TAFA1: variants seen among roughly 807,000 people sequenced by gnomAD.
TAFA1 encodes TAFA chemokine like family member 1, also known as chemokine-like protein TAFA-1.
In TAFA1, 4 loss-of-function variants were observed where a neutral mutation model predicts 18.5. That is an observed-to-expected ratio of 0.22 (90% confidence interval 0.11 to 0.49). The LOEUF (loss-of-function observed/expected upper bound fraction) is 0.49, where lower values mean the gene tolerates loss of function less well. TAFA1 is among the 20% of genes least tolerant of loss of function. The probability of loss-of-function intolerance (pLI) is 0.98; values close to 1 mark genes in which losing one functional copy is unlikely to be tolerated. For synonymous variants in TAFA1, 56 were observed against 55.2 expected, an observed-to-expected ratio of 1.01 and a Z score of -0.06; for missense variants, 147 against 169.0, an observed-to-expected ratio of 0.87 and a Z score of 0.72.
intron 2 of TAFA1, among the ~76,000 whole-genome samples, chr3:68,219,330 A>C (rs2066702062): frequency 6.6e-6 from 1 of 152,194 alleles, no homozygotes; most frequent in East Asian, 1.9e-4. Context: ...CTACTTTTGT[A>C]TATAGTTTAC....
chr3:68,402,820 C>G (rs1912457), intron 2 of TAFA1, among the ~76,000 whole-genome samples: 63,483 of 151,972 alleles, frequency 0.42, 13,806 homozygotes, highest in Non-Finnish European at 0.45. Flanking sequence ...ATTTGAAAGA[C>G]TGTATTTCAC....
At chr3:68,065,823 A>C (rs1489064161) in intron 2 of TAFA1, among the ~76,000 whole-genome samples, 2 of 150,140 alleles carry the variant, frequency 1.3e-5, no homozygotes, top group Non-Finnish European at 3.0e-5. Flanking sequence ...CTTTATTTTT[A>C]TTAGCTAAAA....
intron 2 of TAFA1, among the ~76,000 whole-genome samples, chr3:68,223,934 A>T (rs1449829240): frequency 6.6e-6 from 1 of 151,438 alleles, no homozygotes; most frequent in African/African-American, 2.4e-5. Context: ...CTCAACATCA[A>T]GTATATGAAT....
chr3:68,517,304 C>T (rs2072938120), intron 3 of TAFA1, among the ~76,000 whole-genome samples: 1 of 151,998 alleles, frequency 6.6e-6, no homozygotes, highest in Non-Finnish European at 1.5e-5. Flanking sequence ...ACCAGTTTTC[C>T]ACTTATAGTA....
In TAFA1 at chr3:68,287,846, T is replaced by C. The variant is rs549280247; in HGVS notation, c.119-129434T>C. ...CCTTATTTGCCTGGATTGAAGAACA[T>C]TTTTAGATCTTTCAACAGGCTTACT... On this transcript the variant is annotated intron_variant, in intron 2 of 4. Transcript: ENST00000478136. Among the ~76,000 whole-genome samples the C allele has an allele frequency of 2.0e-5, 3 of 147,748 alleles. No homozygotes were observed. In the South Asian group the frequency reaches 7.0e-4, roughly 34 times the overall value.
chr3:68,440,763 A>C (rs1292202916), intron 3 of TAFA1, among the ~76,000 whole-genome samples: 1 of 152,136 alleles, frequency 6.6e-6, no homozygotes, highest in African/African-American at 2.4e-5. Context: ...TATTCCACAC[A>C]TACTCTTCCT....
intron 2 of TAFA1, among the ~76,000 whole-genome samples, chr3:68,100,991 T>C (rs1298734373): frequency 6.6e-6 from 1 of 152,200 alleles, no homozygotes; most frequent in African/African-American, 2.4e-5. Flanking sequence ...TTGTTTTGTT[T>C]TGGTGGGAGG....
At chr3:68,113,888 GTTTTTTT>G (rs1169442128) in intron 2 of TAFA1, among the ~76,000 whole-genome samples, 2 of 57,862 alleles carry the variant, frequency 3.5e-5, no homozygotes, top group Admixed American at 2.9e-4. Context: ...TTGGGGTGTA[GTTTTTTT>G]TGTTTTTTTT....
chr3:68,006,931 T>C (rs760563204), intron 2 of TAFA1, among the ~76,000 whole-genome samples, 187 bp downstream of exon 2: 2 of 152,202 alleles, frequency 1.3e-5, no homozygotes, highest in Non-Finnish European at 2.9e-5. Context: ...GGTATTTCTA[T>C]TAATTTCTCA....
At chr3:68,239,355 A>G (rs2066969259) in intron 2 of TAFA1, among the ~76,000 whole-genome samples, 1 of 152,180 alleles carries the variant, frequency 6.6e-6, no homozygotes, top group South Asian at 2.1e-4. Flanking sequence ...TCAGAAACTT[A>G]TTTACAATTA....
At chr3:68,470,252 T>A (rs368444198) in intron 3 of TAFA1, among the ~76,000 whole-genome samples, 5 of 152,292 alleles carry the variant, frequency 3.3e-5, no homozygotes, top group African/African-American at 9.6e-5. Flanking sequence ...GAACTGTGAG[T>A]CAATTAAACC....
rs866098039 is a variant in TAFA1, at chr3:68,287,920, G to A, written c.119-129360G>A. 3.7e-5 allele frequency among the ~76,000 whole-genome samples: 4 copies of A among 108,270 alleles called. 1 individual carries two copies. Among genetic ancestry groups the A allele is most frequent in the Admixed American group, 1.2e-4 (1 of 8,608 alleles). 71.0% of individuals were successfully genotyped at this position (108,270 alleles called of 152,430 possible). ...TTTTGTTTTTGTTGGGGGGTGGGGG[G>A]GCTTTTTGAAAATTTTTTTCTGAGT... is the stretch of plus-strand genomic sequence containing the variant. On this transcript the variant is annotated intron_variant, in intron 2 of 4. Transcript: ENST00000478136.
intron 2 of TAFA1, among the ~76,000 whole-genome samples, chr3:68,186,955 T>C (rs1470470980): frequency 6.6e-6 from 1 of 151,972 alleles, no homozygotes; most frequent in Non-Finnish European, 1.5e-5. Context: ...TAGCAGTTTC[T>C]TGAGAATGTG....
chr3:68,196,392 C>T (rs2066410323), intron 2 of TAFA1, among the ~76,000 whole-genome samples: 1 of 151,688 alleles, frequency 6.6e-6, no homozygotes. Context: ...ATCAATCAAT[C>T]TATCTATCTA....
intron 3 of TAFA1, among the ~76,000 whole-genome samples, chr3:68,463,776 G>A (rs764473851): frequency 6.6e-6 from 1 of 152,050 alleles, no homozygotes; most frequent in Non-Finnish European, 1.5e-5. Flanking sequence ...GAAGGAGGAT[G>A]GTATTCCAGT....
intron 2 of TAFA1, among the ~76,000 whole-genome samples, chr3:68,058,547 C>T (rs1037332184): frequency 3.3e-5 from 5 of 152,146 alleles, no homozygotes; most frequent in Admixed American, 2.6e-4. Flanking sequence ...TTCACAAGAT[C>T]TCTGAGTTAT....
intron 2 of TAFA1, among the ~76,000 whole-genome samples, chr3:68,336,545 A>G (rs1201071128): frequency 6.6e-6 from 1 of 152,266 alleles, no homozygotes; most frequent in African/African-American, 2.4e-5. Flanking sequence ...GTGACTTTCT[A>G]TTAAGCGTAG....
intron 3 of TAFA1, among the ~76,000 whole-genome samples, chr3:68,499,676 T>C (rs2072623440): frequency 1.3e-5 from 2 of 152,024 alleles, no homozygotes; most frequent in East Asian, 1.9e-4. Context: ...TAAGGTATTA[T>C]TTGATAAAAC....
intron 2 of TAFA1, among the ~76,000 whole-genome samples, chr3:68,221,030 C>G (rs781640625): frequency 6.6e-6 from 1 of 152,104 alleles, no homozygotes; most frequent in African/African-American, 2.4e-5. Flanking sequence ...AGCCTCCAAC[C>G]ACATCCTTAG....
Sources: allele counts gnomAD v4.1 joint callset (sites outside exome capture counted in the v4.1 genomes callset), GRCh38; gene constraint gnomAD v4.1.1; transcripts MANE v1.5; gene names NCBI Gene and HGNC (gene_info 2026-07-23, HGNC 2026-07-21).